PSD: variants seen among roughly 807,000 people sequenced by gnomAD.
PSD encodes pleckstrin and Sec7 domain containing.
Under a neutral mutation model 91.6 loss-of-function variants are expected in PSD, and 32 were observed. The ratio of observed to expected loss-of-function variants is 0.35; its 90% CI spans 0.26 to 0.47. The LOEUF is 0.47. PSD is among the 20% of genes least tolerant of loss of function. The pLI, the probability that PSD is intolerant of heterozygous loss-of-function variation, is 1.00. For missense variants in PSD, 1,099 were observed against 1,373.9 expected (o/e 0.80, Z 3.16); for synonymous variants, 532 against 569.3 (o/e 0.93, Z 0.93).
chr10:102,411,849 G>A (rs377495674), intron 7 of PSD, 30 bp from the exon 8 acceptor site: 7 of 1,523,948 alleles, frequency 4.6e-6, no homozygotes, highest in Non-Finnish European at 6.3e-6. Context: ...GGGTTGCCTA[G>A]CAACCAGGAG....
intron 5 of PSD, among the ~76,000 whole-genome samples, chr10:102,412,786 C>T: frequency 6.6e-6 from 1 of 152,194 alleles, no homozygotes. Flanking sequence ...TGCCTCAAAT[C>T]TAACCCACAT....
chr10:102,403,511 AG>A lies in PSD; in HGVS notation c.2845-82del, dbSNP rs1289388828. On this transcript the variant is annotated intron_variant, in intron 16 of 16. Coordinates refer to ENST00000020673, the MANE Select transcript of PSD (RefSeq NM_002779.5). The surrounding 1 kb of genome is among the most constrained non-coding windows in gnomAD (Gnocchi z 6.7). ...ACCATCTGGACCAGGGAGGGCCGCC[AG>A]CAGGGCAGAAGATGGCAGGTGCCCA... is the stretch of plus-strand genomic sequence containing the variant. 1 of 1,358,382 alleles carries A rather than the reference AG, an allele frequency of 7.4e-7. No individual in the cohort carries two copies. The highest frequency in any genetic ancestry group is 1.0e-6 in the Non-Finnish European group (1 of 1,004,882). The allele number at this position is 1,358,382 out of a possible 1,614,324, so 84.1% of individuals were successfully genotyped here. A position where few individuals can be genotyped will look rare whatever the true frequency, so the allele number is the denominator to read the frequency against.
chr10:102,407,195 A>G, intron 11 of PSD, 28 bp downstream of exon 11: 1 of 1,592,934 alleles, frequency 6.3e-7, no homozygotes, highest in Non-Finnish European at 8.5e-7. Flanking sequence ...GCCCCATCCT[A>G]GCCCCACCAC....
Position 102,405,784 on chromosome 10 carries a change from A to G in PSD, c.2136-248T>C. 1 of 530,188 alleles carries G rather than the reference A, an allele frequency of 1.9e-6. No individual in the cohort carries two copies. Among genetic ancestry groups the G allele is most frequent in the Non-Finnish European group, 3.4e-6 (1 of 294,512 alleles). The allele number at this position is 530,188 out of a possible 1,614,324, so 32.8% of individuals were successfully genotyped here. On this transcript the variant is annotated intron_variant, in intron 11 of 16. Transcript: ENST00000020673. The surrounding 1 kb of genome is among the most constrained non-coding windows in gnomAD (Gnocchi z 5.4). The stretch of plus-strand genomic sequence containing the variant: ...CCACTGTCCCTTCCTCCCAGCAAGT[A>G]GGGCCAGCACTATCCTCTCCATTGC...
Position 102,410,585 on chromosome 10 carries a change from C to T in PSD, c.2091+273G>A, listed in dbSNP as rs993669427. Among the ~76,000 whole-genome samples, 1 of 152,230 alleles carries T rather than the reference C, an allele frequency of 6.6e-6. No homozygotes were observed. The highest frequency in any genetic ancestry group is 2.4e-5 in the African/African-American group (1 of 41,454). ...GGGAACTGAAGGCAAACGCAGGGGC[C>T]GGGGCCGCCTGCTCGCGTTTTCCAG... On this transcript the variant is annotated intron_variant, in intron 10 of 16. Transcript: ENST00000020673. This position sits in a 1 kb window ranked among gnomAD's most constrained non-coding sequence, Gnocchi z 6.0.
At chr10:102,418,073 A>G (rs2061504879) in intron 1 of PSD, among the ~76,000 whole-genome samples, 1 of 151,278 alleles carries the variant, frequency 6.6e-6, no homozygotes, top group Admixed American at 6.6e-5. Flanking sequence ...ACACACACAC[A>G]CACACACACA....
At position 102,414,104 on chromosome 10, in the gene PSD, G is replaced by A. The variant is rs773197745; in HGVS notation, c.1218C>T (p.Phe406=). 17 of 1,613,958 alleles carry A rather than the reference G, an allele frequency of 1.1e-5. No homozygotes were observed. The highest frequency in any genetic ancestry group is 1.6e-4 in the Middle Eastern group (1 of 6,082). The change falls in exon 5 of 17, where the codon TTC becomes TTT. Residue 406 remains phenylalanine, a synonymous_variant. Transcript: ENST00000020673. The surrounding 1 kb of genome is among the most constrained non-coding windows in gnomAD (Gnocchi z 5.6). ...CCCGGTGTGACTCCAGGATGGCTTCGAACACACAACTGAAAGAGTCAGGCC... is the reference window on the plus strand; with the variant it reads ...CCCGGTGTGACTCCAGGATGGCTTCAAACACACAACTGAAAGAGTCAGGCC... ...ADGPDSFSCV[F]EAILESHRAK...
Position 102,416,477 on chromosome 10 carries a change from G to A in PSD, c.562C>T (p.Leu188Phe), listed in dbSNP as rs776884349. ...AGCCCATTGGGGAGAGAGGAGTAAAGGCCATCTGCTCCAACCTGGGGTGGG... is the reference window on the plus strand; with the variant it reads ...AGCCCATTGGGGAGAGAGGAGTAAAAGCCATCTGCTCCAACCTGGGGTGGG... ...PAPPQVGADG[L>F]YSSLPNGLGG... is the part of the protein sequence containing the mutation. Residue 188 changes from leucine (L) to phenylalanine (F), a missense_variant, in exon 2 of 17, where the codon CTT becomes TTT. Coordinates refer to ENST00000020673, the MANE Select transcript of PSD (RefSeq NM_002779.5). The surrounding 1 kb of genome is among the most constrained non-coding windows in gnomAD (Gnocchi z 6.0). The A allele has an allele frequency of 1.9e-6, 3 of 1,613,620 alleles. No individual in the cohort carries two copies. Among genetic ancestry groups the A allele is most frequent in the African/African-American group, 1.3e-5 (1 of 75,060 alleles).
chr10:102,411,285 C>T (rs1195631974), intron 8 of PSD, among the ~76,000 whole-genome samples, 169 bp from the exon 9 acceptor site: 1 of 3,822 alleles, frequency 2.6e-4, no homozygotes, highest in Non-Finnish European at 7.2e-4. Context: ...GCAGATCCGT[C>T]AGCAAGGACC....
Position 102,415,091 on chromosome 10 carries a change from G to A in PSD, c.896C>T (p.Thr299Ile). 6.2e-7 allele frequency: 1 copy of A among 1,614,052 alleles called. No homozygotes were observed. Among genetic ancestry groups the A allele is most frequent in the Non-Finnish European group, 8.5e-7 (1 of 1,180,032 alleles). ...CTCAGCCAGCACCTCATCGATGTCA[G>A]TCTCGCGGTAGCACCTCAGGGGCAC... ...DTVPLRCYRE[T>I]DIDEVLAERE... is the part of the protein sequence containing the mutation. Residue 299 changes from threonine (T) to isoleucine (I), a missense_variant, in exon 4 of 17, where the codon ACT becomes ATT. Physicochemically the swap from Thr to Ile is moderately conservative, Grantham distance 89. This residue lies in a region of PSD where 631 missense variants were observed against 728.8 expected (regional missense o/e 0.87). Coordinates refer to ENST00000020673, the MANE Select transcript of PSD (RefSeq NM_002779.5).
In PSD at chr10:102,416,510, G is replaced by T. The variant is rs761390896; in HGVS notation, c.529C>A (p.Pro177Thr). The T allele has an allele frequency of 4.3e-6, 7 of 1,612,834 alleles. No homozygotes were observed. Among genetic ancestry groups the T allele is most frequent in the Non-Finnish European group, 5.9e-6 (7 of 1,179,498 alleles). ...LPGSRNLVHG[P>T]PAPPQVGADG... ...GCTCCAACCTGGGGTGGGGCTGGCG[G>T]CCCATGTACAAGGTTCCGGCTGCCA... The change falls in exon 2 of 17, where the codon CCG becomes ACG. Residue 177 changes from proline to threonine, a missense_variant. Transcript: ENST00000020673. This position sits in a 1 kb window ranked among gnomAD's most constrained non-coding sequence, Gnocchi z 6.0.
Position 102,414,250 on chromosome 10 carries a change from C to A in PSD, c.1125-53G>T. 1 of 1,464,398 alleles carries A rather than the reference C, an allele frequency of 6.8e-7. No individual in the cohort carries two copies. Among genetic ancestry groups the A allele is most frequent in the South Asian group, 1.3e-5 (1 of 79,350 alleles). 90.7% of individuals were successfully genotyped at this position (1,464,398 alleles called of 1,614,324 possible). On this transcript the variant is annotated intron_variant, in intron 4 of 16. Coordinates refer to ENST00000020673, the MANE Select transcript of PSD (RefSeq NM_002779.5). The surrounding 1 kb of genome is among the most constrained non-coding windows in gnomAD (Gnocchi z 5.6). ...AGGGGCCCAGATCACAGGGCTGGGG[C>A]AGGATTTCACTGAACTCTCACACTG...
intron 1 of PSD, among the ~76,000 whole-genome samples, chr10:102,418,060 AACACACACACACAC>A (rs3061745): frequency 6.5e-4 from 96 of 148,060 alleles, no homozygotes; most frequent in African/African-American, 2.1e-3. Context: ...CACACACACA[AACACACACACACAC>A]ACACACACAC....
At chr10:102,412,716 AAGG>A (rs2061436910) in intron 5 of PSD, 141 bp from the exon 6 acceptor site, 1 of 734,538 alleles carries the variant, frequency 1.4e-6, no homozygotes, top group East Asian at 2.7e-5. Flanking sequence ...TTTTCCAGGG[AAGG>A]AGATTAGATT....
At chr10:102,418,810 T>TCCCCCCCCCCCCCCCCCCCCCCCCCCCCC, upstream of PSD, 1 of 434,372 alleles carries the variant, frequency 2.3e-6, no homozygotes, top group Non-Finnish European at 4.6e-6. Context: ...CGCCTCTCAG[T>TCCCCCCCCCCCCCCCCCCCCCCCCCCCCC]CCCTCCCCCT....
chr10:102,404,087 G>C lies in PSD; in HGVS notation c.2701-102C>G. 7.6e-7 allele frequency: 1 copy of C among 1,324,404 alleles called. No homozygotes were observed. Among genetic ancestry groups the C allele is most frequent in the Non-Finnish European group, 1.0e-6 (1 of 997,522 alleles). The allele number at this position is 1,324,404 out of a possible 1,614,324, so 82.0% of individuals were successfully genotyped here. On this transcript the variant is annotated intron_variant, in intron 15 of 16. Transcript: ENST00000020673. The surrounding 1 kb of genome is among the most constrained non-coding windows in gnomAD (Gnocchi z 5.7). ...CTTCCAGCCGGGCGCGGTGGCTCAC[G>C]CCTGTAATCCCAGCACTTTGGGAGG...
In PSD at chr10:102,414,266, T is replaced by G; in HGVS notation, c.1125-69A>C. ...GGGCTGGGGCAGGATTTCACTGAAC[T>G]CTCACACTGACTCTGCTAAGGGGAT... On this transcript the variant is annotated intron_variant, in intron 4 of 16. Transcript: ENST00000020673. This position sits in a 1 kb window ranked among gnomAD's most constrained non-coding sequence, Gnocchi z 5.6. 7.4e-7 allele frequency: 1 copy of G among 1,353,598 alleles called. No individual in the cohort carries two copies. Among genetic ancestry groups the G allele is most frequent in the Non-Finnish European group, 1.0e-6 (1 of 978,952 alleles). The allele number at this position is 1,353,598 out of a possible 1,614,324, so 83.8% of individuals were successfully genotyped here.
Position 102,405,160 on chromosome 10 carries a change from A to G in PSD, c.2397+23T>C. 1 of 1,609,526 alleles carries G rather than the reference A, an allele frequency of 6.2e-7. No individual in the cohort carries two copies. Among genetic ancestry groups the G allele is most frequent in the Non-Finnish European group, 8.5e-7 (1 of 1,179,292 alleles). ...CACCAGCCAACTCAGTCCCAGCCCCAGCCCCCTGGCCTGACCCCGCACCTT... is the reference window on the plus strand; with the variant it reads ...CACCAGCCAACTCAGTCCCAGCCCCGGCCCCCTGGCCTGACCCCGCACCTT... On this transcript the variant is annotated intron_variant, in intron 13 of 16. Coordinates refer to ENST00000020673, the MANE Select transcript of PSD (RefSeq NM_002779.5). The surrounding 1 kb of genome is among the most constrained non-coding windows in gnomAD (Gnocchi z 5.4).
intron 1 of PSD, 120 bp from the exon 2 acceptor site, chr10:102,417,241 G>A (rs2061491733): frequency 1.8e-6 from 1 of 556,222 alleles, no homozygotes; most frequent in Admixed American, 3.5e-5. Flanking sequence ...AGCACACCCT[G>A]GTAATATGGG....
Sources: gnomAD v4.1 joint callset for allele counts (sites outside exome capture counted in the v4.1 genomes callset) on GRCh38, gnomAD v4.1.1 for gene constraint, gnomAD v4.1.1 regional missense constraint, Gnocchi (gnomAD v3.1) non-coding constraint, MANE v1.5 for transcripts, NCBI Gene and HGNC (gene_info 2026-07-23, HGNC 2026-07-21) for gene names.